Variants in STOX1 observed in about 807,000 individuals in gnomAD.
STOX1 encodes the protein storkhead box 1.
A neutral mutation model predicts 74.8 loss-of-function variants in STOX1; 57 were observed. The ratio of observed to expected loss-of-function variants is 0.76; its 90% CI spans 0.62 to 0.95. The LOEUF (loss-of-function observed/expected upper bound fraction) is 0.95, where lower values mean the gene tolerates loss of function less well. STOX1 is among the 40% of genes least tolerant of loss of function. The pLI is 0.00. For missense variants in STOX1, 1,010 were observed against 1,117.0 expected, an observed-to-expected ratio of 0.90 and a Z score of 1.37; for synonymous variants, 375 against 401.3, an observed-to-expected ratio of 0.93 and a Z score of 0.78.
In STOX1 at chr10:68,885,664, A is replaced by C; in HGVS notation, c.1868A>C (p.Lys623Thr). ...ENEVIPEVLRKSHSHFDKLGE... is the reference protein window; with the variant it reads ...ENEVIPEVLRTSHSHFDKLGE... ...GAGGTAATTCCTGAAGTCTTGAGGAAAAGTCATTCCCACTTTGACAAATTA... is the reference window on the plus strand; with the variant it reads ...GAGGTAATTCCTGAAGTCTTGAGGACAAGTCATTCCCACTTTGACAAATTA... Residue 623 changes from lysine to threonine, a missense_variant, in exon 3 of 4, where the codon AAA becomes ACA. Physicochemically the swap from Lys to Thr is moderately conservative, Grantham distance 78. Transcript: ENST00000298596. The C allele has an allele frequency of 6.2e-7, 1 of 1,614,184 alleles. No homozygotes were observed.
chr10:68,829,905 T>C (rs1293643253), intron 1 of STOX1, among the ~76,000 whole-genome samples: 2 of 152,168 alleles, frequency 1.3e-5, no homozygotes, highest in Non-Finnish European at 2.9e-5. Flanking sequence ...AAAAACTCTT[T>C]TCAGTTCTGC....
At position 68,846,206 on chromosome 10, in the gene STOX1, G is replaced by A. The variant is rs540110647; in HGVS notation, c.310+18273G>A. Among the ~76,000 whole-genome samples, 12 of 151,230 alleles carry A rather than the reference G, an allele frequency of 7.9e-5. No individual in the cohort carries two copies. In the South Asian group the frequency reaches 2.3e-3, roughly 29 times the overall value. ...CTGTCACCCAGGCTGGAGTGCAGTG[G>A]TGTGATCTCAGCTCACTGCAACCTC... is the stretch of plus-strand genomic sequence containing the variant. On this transcript the variant is annotated intron_variant, in intron 1 of 3. Transcript: ENST00000298596.
At chr10:68,876,119 A>AATATATATATATATATATATAT in intron 1 of STOX1, among the ~76,000 whole-genome samples, 1 of 135,742 alleles carries the variant, frequency 7.4e-6, no homozygotes, top group Non-Finnish European at 1.6e-5. Context: ...TCTTTACCAG[A>AATATATATATATATATATATAT]ATATATATAT....
Position 68,842,627 on chromosome 10 carries a change from G to A in STOX1, c.310+14694G>A, listed in dbSNP as rs536429525. Among the ~76,000 whole-genome samples, 10 of 136,696 alleles carry A rather than the reference G, an allele frequency of 7.3e-5. No individual in the cohort carries two copies. The South Asian group carries it at 2.4e-3, about 33-fold the overall frequency. The allele number at this position is 136,696 out of a possible 152,430, so 89.7% of individuals were successfully genotyped here. A position where few individuals can be genotyped will look rare whatever the true frequency, so the allele number is the denominator to read the frequency against. ...ACGATCTCGGTTCACTGCAACCTCC[G>A]CCTCCCGGGTTCAAGCAGTTCTCTG... On this transcript the variant is annotated intron_variant, in intron 1 of 3. Transcript: ENST00000298596.
At chr10:68,871,725 C>T in intron 1 of STOX1, among the ~76,000 whole-genome samples, 1 of 152,152 alleles carries the variant, frequency 6.6e-6, no homozygotes, top group African/African-American at 2.4e-5. Context: ...TGGAGAGGGG[C>T]TTGGTTTACT....
chr10:68,863,413 G>T (rs943840527), intron 1 of STOX1, among the ~76,000 whole-genome samples: 13 of 151,664 alleles, frequency 8.6e-5, no homozygotes, highest in Non-Finnish European at 1.6e-4. Context: ...TCATAATAGG[G>T]CCAGATACCC....
chr10:68,842,872 G>A (rs1564571181), intron 1 of STOX1, among the ~76,000 whole-genome samples: 1 of 152,030 alleles, frequency 6.6e-6, no homozygotes, highest in African/African-American at 2.4e-5. Flanking sequence ...GTTCATTAAG[G>A]ATTAGGAGGT....
chr10:68,853,896 G>A (rs560739446), intron 1 of STOX1, among the ~76,000 whole-genome samples: 1 of 151,822 alleles, frequency 6.6e-6, no homozygotes, highest in Non-Finnish European at 1.5e-5. Flanking sequence ...TGTTGGTCAG[G>A]GTGGTCTCAA....
At chr10:68,861,555 T>C (rs1436691599) in intron 1 of STOX1, among the ~76,000 whole-genome samples, 1 of 152,088 alleles carries the variant, frequency 6.6e-6, no homozygotes, top group African/African-American at 2.4e-5. Context: ...TCCTTGCATG[T>C]CCCCCTTTTT....
chr10:68,828,384 G>A (rs1276826050), intron 1 of STOX1: 3 of 834,390 alleles, frequency 3.6e-6, no homozygotes, highest in African/African-American at 3.7e-5. Flanking sequence ...GCGCTGCTCT[G>A]AGGGCCCGGG....
rs375241328 is a variant in STOX1 at position 68,876,398 on chromosome 10, C to T, written c.311-5560C>T. Among the ~76,000 whole-genome samples the T allele has an allele frequency of 2.4e-4, 36 of 152,052 alleles. No homozygotes were observed. The East Asian group carries it at 4.6e-3, about 20-fold the overall frequency. On this transcript the variant is annotated intron_variant, in intron 1 of 3. Coordinates refer to ENST00000298596, the MANE Select transcript of STOX1 (RefSeq NM_152709.5). Reference sequence around the variant, plus strand: ...CTCGAACTCCCGACCTCAGGTGATCCGCCCCCCTCAGCCTCTCAAAGTGCT... The same window carrying T: ...CTCGAACTCCCGACCTCAGGTGATCTGCCCCCCTCAGCCTCTCAAAGTGCT...
intron 1 of STOX1, among the ~76,000 whole-genome samples, chr10:68,877,146 G>A (rs915519860): frequency 3.9e-5 from 6 of 152,130 alleles, no homozygotes; most frequent in South Asian, 2.1e-4. Context: ...CAGCAGAGGC[G>A]AATAGCAATT....
Position 68,827,639 on chromosome 10 carries a change from C to A in STOX1, c.16C>A (p.Gln6Lys). The A allele has an allele frequency of 8.7e-7, 1 of 1,145,936 alleles. No individual in the cohort carries two copies. The highest frequency in any genetic ancestry group is 1.1e-6 in the Non-Finnish European group (1 of 932,918). The allele number at this position is 1,145,936 out of a possible 1,614,324, so 71.0% of individuals were successfully genotyped here. The change falls in exon 1 of 4, where the codon CAG (glutamine) becomes AAG (lysine). Residue 6 changes from glutamine to lysine, a missense_variant. Transcript: ENST00000298596. Reference protein sequence around the residue: MARPVQLAPGSLALVL... With the variant: MARPVKLAPGSLALVL... ...CGGCGAAAGCATGGCCCGGCCCGTG[C>A]AGCTGGCGCCGGGCTCGCTGGCGCT...
At chr10:68,881,907 T>C in intron 1 of STOX1, 51 bp from the exon 2 acceptor site, 2 of 1,602,586 alleles carry the variant, frequency 1.2e-6, no homozygotes, top group Non-Finnish European at 8.5e-7. Flanking sequence ...CATTTTATAC[T>C]ATATCAAATT....
intron 1 of STOX1, among the ~76,000 whole-genome samples, chr10:68,869,044 C>A (rs533076245): frequency 1.3e-4 from 20 of 152,250 alleles, no homozygotes; most frequent in Non-Finnish European, 2.6e-4. Flanking sequence ...TTATCCCGTG[C>A]TGCCTTAGTG....
chr10:68,887,516 A>G (rs1840991843), intron 3 of STOX1, among the ~76,000 whole-genome samples: 1 of 151,670 alleles, frequency 6.6e-6, no homozygotes, highest in African/African-American at 2.4e-5. Context: ...TCCTGACCTC[A>G]GGTGATCCGC....
At chr10:68,879,595 A>T (rs1840760250) in intron 1 of STOX1, among the ~76,000 whole-genome samples, 1 of 152,006 alleles carries the variant, frequency 6.6e-6, no homozygotes, top group Admixed American at 6.6e-5. Context: ...AGGGACACAG[A>T]TCTTATTTTA....
At chr10:68,851,763 C>T (rs1053702592) in intron 1 of STOX1, among the ~76,000 whole-genome samples, 1 of 152,192 alleles carries the variant, frequency 6.6e-6, no homozygotes, top group East Asian at 1.9e-4. Flanking sequence ...ATTGCTTGAA[C>T]CCAGGAGGTG....
chr10:68,839,205 A>G (rs1839634155), intron 1 of STOX1, among the ~76,000 whole-genome samples: 2 of 152,188 alleles, frequency 1.3e-5, no homozygotes, highest in Non-Finnish European at 2.9e-5. Context: ...GGACTCACAC[A>G]GGATCCCAAA....
Sources: allele counts gnomAD v4.1 joint callset (sites outside exome capture counted in the v4.1 genomes callset), GRCh38; gene constraint gnomAD v4.1.1; transcripts MANE v1.5; gene names NCBI Gene and HGNC (gene_info 2026-07-23, HGNC 2026-07-21).